The following RIMS2 variants were observed in gnomAD, a reference collection of about 807,000 sequenced individuals.
RIMS2 encodes regulating synaptic membrane exocytosis protein 2.
In RIMS2, 59 loss-of-function variants were observed where a neutral mutation model predicts 174.4. The observed-to-expected ratio is 0.34, with a 90% CI of 0.27 to 0.42. RIMS2 has a LOEUF of 0.42. Among genes scored for constraint, RIMS2 ranks in the 10% least tolerant of loss-of-function variants. RIMS2 has a pLI of 1.00. For missense variants in RIMS2, 1,620 were observed against 1,666.3 expected (o/e 0.97, Z 0.48); for synonymous variants, 606 against 572.5 (o/e 1.06, Z -0.84).
chr8:103,664,944 C>T (rs1480190933), intron 1 of RIMS2, among the ~76,000 whole-genome samples: 1 of 152,088 alleles, frequency 6.6e-6, no homozygotes, highest in East Asian at 1.9e-4. Flanking sequence ...TACTATGCAG[C>T]CATAAAAAAG....
chr8:103,757,010 TGAGAGAGAGAGA>T (rs375031125), intron 2 of RIMS2, among the ~76,000 whole-genome samples: 7 of 114,294 alleles, frequency 6.1e-5, no homozygotes, highest in Middle Eastern at 3.6e-3. Flanking sequence ...TGTGTGTGTG[TGAGAGAGAGAGA>T]GAGAGAGAGA....
At chr8:104,128,120 T>G (rs905238489) in intron 19 of RIMS2, among the ~76,000 whole-genome samples, 10 of 152,194 alleles carry the variant, frequency 6.6e-5, no homozygotes, top group Non-Finnish European at 1.5e-4. Flanking sequence ...GCTAATTAAT[T>G]GTACCTAGGG....
At chr8:103,802,933 C>G (rs1298153857) in intron 3 of RIMS2, among the ~76,000 whole-genome samples, 1 of 152,140 alleles carries the variant, frequency 6.6e-6, no homozygotes, top group Non-Finnish European at 1.5e-5. Flanking sequence ...TCCAAGGATT[C>G]AGGCATTTAA....
intron 14 of RIMS2, 48 bp downstream of exon 16, chr8:103,942,974 C>T (rs1210177837): frequency 7.1e-7 from 1 of 1,417,410 alleles, no homozygotes; most frequent in Admixed American, 1.9e-5. Flanking sequence ...TTTTCCTAAT[C>T]TTGAGTGATG....
intron 1 of RIMS2, among the ~76,000 whole-genome samples, chr8:103,617,745 T>C (rs1444371996): frequency 1.3e-5 from 2 of 152,124 alleles, no homozygotes; most frequent in Non-Finnish European, 2.9e-5. Flanking sequence ...TCAACAGGCA[T>C]ATGAAAAAAA....
chr8:104,013,566 T>A, exon 18 of RIMS2: 1 of 1,613,674 alleles, frequency 6.2e-7, no homozygotes, highest in South Asian at 1.1e-5. Context: ...CCTCATGAGG[T>A]CGATGCCTTC....
chr8:103,609,169 G>A (rs999728796), intron 1 of RIMS2, among the ~76,000 whole-genome samples: 3 of 151,976 alleles, frequency 2.0e-5, no homozygotes, highest in East Asian at 1.9e-4. Context: ...GAAAAGTGCC[G>A]GTTCATGTCT....
At chr8:103,985,043 G>T (rs2094233372) in intron 16 of RIMS2, among the ~76,000 whole-genome samples, 1 of 152,114 alleles carries the variant, frequency 6.6e-6, no homozygotes, top group African/African-American at 2.4e-5. Context: ...GGCTGGGATG[G>T]GTCGCAGTGG....
intron 19 of RIMS2, among the ~76,000 whole-genome samples, chr8:104,105,192 G>T (rs889313139): frequency 1.1e-4 from 17 of 152,146 alleles, no homozygotes; most frequent in African/African-American, 3.9e-4. Flanking sequence ...AATAAAAGGG[G>T]TTGGGTGTCG....
chr8:104,048,857 G>A (rs1054825216), intron 19 of RIMS2, among the ~76,000 whole-genome samples: 22 of 152,120 alleles, frequency 1.4e-4, no homozygotes, highest in Non-Finnish European at 2.1e-4. Flanking sequence ...AAATTATGCC[G>A]AGGTTATTTT....
chr8:103,855,063 A>G (rs1593880664), intron 3 of RIMS2, among the ~76,000 whole-genome samples: 2 of 151,760 alleles, frequency 1.3e-5, no homozygotes, highest in African/African-American at 2.4e-5. Flanking sequence ...TCAGGGTTTC[A>G]ATCTATTCCT....
At chr8:104,240,650 C>T (rs1413838969) in intron 19 of RIMS2, among the ~76,000 whole-genome samples, 1 of 152,048 alleles carries the variant, frequency 6.6e-6, no homozygotes, top group Non-Finnish European at 1.5e-5. Context: ...TACACAAACT[C>T]GTAGACATTA....
At chr8:103,863,931 TG>T (rs1306611355) in intron 3 of RIMS2, among the ~76,000 whole-genome samples, 3 of 151,198 alleles carry the variant, frequency 2.0e-5, no homozygotes, top group Non-Finnish European at 4.4e-5. Context: ...TTTTTTTTGA[TG>T]GAGTCTTGCT....
intron 1 of RIMS2, among the ~76,000 whole-genome samples, chr8:103,621,952 A>T (rs2095645079): frequency 1.3e-5 from 2 of 152,326 alleles, no homozygotes; most frequent in South Asian, 4.1e-4. Context: ...GTAACCAAAA[A>T]TAATTGGTTC....
At chr8:104,127,927 G>T (rs1039785250) in intron 19 of RIMS2, among the ~76,000 whole-genome samples, 1 of 152,152 alleles carries the variant, frequency 6.6e-6, no homozygotes, top group Non-Finnish European at 1.5e-5. Context: ...CCAAATGCAG[G>T]TCACAGGGGA....
At chr8:103,517,761 T>G (rs1408170931) in intron 1 of RIMS2, among the ~76,000 whole-genome samples, 1 of 151,992 alleles carries the variant, frequency 6.6e-6, no homozygotes, top group African/African-American at 2.4e-5. Flanking sequence ...TAACTGCATT[T>G]TGCAGGGAGT....
At chr8:104,033,745 G>A (rs1312771591) in intron 19 of RIMS2, among the ~76,000 whole-genome samples, 1 of 151,586 alleles carries the variant, frequency 6.6e-6, no homozygotes, top group Non-Finnish European at 1.5e-5. Flanking sequence ...TTAAATTTTA[G>A]TGCTTCATAA....
intron 13 of RIMS2, among the ~76,000 whole-genome samples, chr8:103,939,282 C>A (rs2082003981): frequency 6.6e-6 from 1 of 152,200 alleles, no homozygotes; most frequent in South Asian, 2.1e-4. Context: ...TCCCAAATCC[C>A]AATTCTTGAC....
chr8:103,748,486 G>A (rs1940179582), intron 2 of RIMS2, among the ~76,000 whole-genome samples: 1 of 151,950 alleles, frequency 6.6e-6, no homozygotes, highest in South Asian at 2.1e-4. Flanking sequence ...ATACCAGTGG[G>A]AATCTGAAAA....
Sources: gnomAD v4.1 joint callset for allele counts (sites outside exome capture counted in the v4.1 genomes callset) on GRCh38, gnomAD v4.1.1 for gene constraint, MANE v1.5 for transcripts, NCBI Gene and HGNC (gene_info 2026-07-23, HGNC 2026-07-21) for gene names.